Variants in TGFBI observed in about 807,000 individuals in gnomAD.
TGFBI encodes the protein transforming growth factor beta induced, also known as transforming growth factor-beta-induced protein ig-h3.
A neutral mutation model predicts 73.7 loss-of-function variants in TGFBI; 50 were observed. That is an observed-to-expected ratio of 0.68 (90% CI 0.54 to 0.86). The LOEUF (loss-of-function observed/expected upper bound fraction) is 0.86, where lower values mean the gene tolerates loss of function less well. Among genes scored for constraint, TGFBI ranks in the 40% least tolerant of loss-of-function variants. The pLI is 0.00. For synonymous variants in TGFBI, 362 were observed against 360.5 expected, an observed-to-expected ratio of 1.00 and a Z score of -0.05; for missense variants, 839 against 877.0, an observed-to-expected ratio of 0.96 and a Z score of 0.55.
At chr5:136,052,046 C>A (rs1048480234) in intron 7 of TGFBI, among the ~76,000 whole-genome samples, 11 of 152,126 alleles carry the variant, frequency 7.2e-5, no homozygotes, top group Non-Finnish European at 2.9e-5. Context: ...AGCAGCAGTC[C>A]AGGCCACCTG....
At chr5:136,063,120 GAC>G in intron 16 of TGFBI, 64 bp from the exon 17 acceptor site, 2 of 1,476,284 alleles carry the variant, frequency 1.4e-6, no homozygotes, top group Non-Finnish European at 1.9e-6. Context: ...TTGAGATTCT[GAC>G]AGTGTCCTAG....
rs748204900 is a variant in TGFBI, at chr5:136,061,583, A to C, written c.1986+4A>C. On this transcript the variant is annotated splice_donor_region_variant and intron_variant, in intron 15 of 16. Transcript: ENST00000442011. Reference sequence around the variant, plus strand: ...ACAAGCATCAGCGTTTTCCAGGGTAAGATGCCTGCTAGGTTTGCGCCTAGC... The same window carrying C: ...ACAAGCATCAGCGTTTTCCAGGGTACGATGCCTGCTAGGTTTGCGCCTAGC... 6.2e-7 allele frequency: 1 copy of C among 1,613,320 alleles called. No individual in the cohort carries two copies. Among genetic ancestry groups the C allele is most frequent in the Non-Finnish European group, 8.5e-7 (1 of 1,179,534 alleles).
intron 7 of TGFBI, among the ~76,000 whole-genome samples, chr5:136,052,075 G>T (rs1257819630): frequency 6.6e-6 from 1 of 152,208 alleles, no homozygotes; most frequent in Non-Finnish European, 1.5e-5. Flanking sequence ...GGGGTTGGGG[G>T]GGGCTCCTCC....
chr5:136,044,212 G>C lies in TGFBI; in HGVS notation c.298+90G>C, dbSNP rs1751387137. On this transcript the variant is annotated intron_variant, in intron 3 of 16. Coordinates refer to ENST00000442011, the MANE Select transcript of TGFBI (RefSeq NM_000358.3). ...ACCCACATAAAAGGCAGCAGAGTGT[G>C]AATGGGGGCAGTGGCACAAGGACAT... 4.5e-6 allele frequency: 5 copies of C among 1,118,436 alleles called. No homozygotes were observed. The East Asian group carries it at 1.2e-4, about 28-fold the overall frequency. The allele number at this position is 1,118,436 out of a possible 1,614,324, so 69.3% of individuals were successfully genotyped here.
intron 9 of TGFBI, 83 bp from the exon 10 acceptor site, chr5:136,054,633 C>G: frequency 6.3e-7 from 1 of 1,586,428 alleles, no homozygotes; most frequent in Non-Finnish European, 8.7e-7. Flanking sequence ...GAGGGATGGG[C>G]TTTTTCACTG....
intron 12 of TGFBI, 48 bp downstream of exon 12, chr5:136,056,843 C>T: frequency 6.4e-7 from 1 of 1,556,582 alleles, no homozygotes; most frequent in Non-Finnish European, 8.7e-7. Flanking sequence ...AAGTAGTGAT[C>T]CCTCAGGGCC....
Position 136,060,844 on chromosome 5 carries a change from T to G in TGFBI, c.1814T>G (p.Val605Gly). Reference protein sequence around the residue: ...DKLEVSLKNNVVSVNKEPVAE... With the variant: ...DKLEVSLKNNGVSVNKEPVAE... Reference sequence around the variant, plus strand: ...CTGTTTTTCTTTTAGAAAAACAATGTGGTGAGTGTCAACAAGGAGCCTGTT... The same window carrying G: ...CTGTTTTTCTTTTAGAAAAACAATGGGGTGAGTGTCAACAAGGAGCCTGTT... Residue 605 changes from valine to glycine, a missense_variant, in exon 14 of 17, where the codon GTG becomes GGG. Physicochemically the swap from Val to Gly is moderately radical, Grantham distance 109 (BLOSUM62 -3). Coordinates refer to ENST00000442011, the MANE Select transcript of TGFBI (RefSeq NM_000358.3). 1 of 1,598,906 alleles carries G rather than the reference T, an allele frequency of 6.3e-7. No individual in the cohort carries two copies. Among genetic ancestry groups the G allele is most frequent in the Non-Finnish European group, 8.6e-7 (1 of 1,169,342 alleles).
At chr5:136,062,961 A>G (rs1433865936) in intron 16 of TGFBI, among the ~76,000 whole-genome samples, 1 of 152,212 alleles carries the variant, frequency 6.6e-6, no homozygotes, top group Non-Finnish European at 1.5e-5. Context: ...AGGGCTTGGC[A>G]GGAACCCATG....
At chr5:136,037,477 C>G (rs1751248656) in intron 2 of TGFBI, among the ~76,000 whole-genome samples, 1 of 152,056 alleles carries the variant, frequency 6.6e-6, no homozygotes. Flanking sequence ...TTGTGCTAGC[C>G]CCAGGGAGAG....
chr5:136,047,456 G>A lies in TGFBI; in HGVS notation c.771+36G>A, dbSNP rs552862328. On this transcript the variant is annotated intron_variant, in intron 6 of 16. Coordinates refer to ENST00000442011, the MANE Select transcript of TGFBI (RefSeq NM_000358.3). ...GCCCTGGGTGGAGGCCCAGGCTTGG[G>A]ACACATTGCCTCCCAAGAGGGGCCT... 1.1e-4 allele frequency: 175 copies of A among 1,612,100 alleles called. 1 individual carries two copies. The South Asian group carries it at 1.9e-3, about 17-fold the overall frequency.
chr5:136,054,867 T>A lies in TGFBI; in HGVS notation c.1410+6T>A, dbSNP rs1751600540. 1.9e-6 allele frequency: 3 copies of A among 1,613,092 alleles called. No individual in the cohort carries two copies. In the East Asian group the frequency reaches 6.7e-5, roughly 36 times the overall value. On this transcript the variant is annotated splice_donor_region_variant and intron_variant, in intron 10 of 16. Coordinates refer to ENST00000442011, the MANE Select transcript of TGFBI (RefSeq NM_000358.3). ...GAGTTTTTGTTTATCGTAATGTAAG[T>A]TCTGGGTCCTAAATCATGCTCCTGG...
intron 2 of TGFBI, among the ~76,000 whole-genome samples, chr5:136,041,974 G>A (rs555460698): frequency 3.7e-4 from 56 of 152,310 alleles, no homozygotes; most frequent in Non-Finnish European, 5.7e-4. Context: ...TACTGCACCC[G>A]TGTGCACAGG....
At chr5:136,061,636 G>T in intron 15 of TGFBI, 57 bp downstream of exon 15, 1 of 1,449,144 alleles carries the variant, frequency 6.9e-7, no homozygotes, top group Non-Finnish European at 9.7e-7. Context: ...CTCTGTTTGG[G>T]CCATAGAGGA....
intron 13 of TGFBI, 36 bp from the exon 14 acceptor site, chr5:136,060,798 G>T (rs1751734064): frequency 1.4e-6 from 2 of 1,429,724 alleles, no homozygotes; most frequent in African/African-American, 1.4e-5. Context: ...ATAAATAAAT[G>T]CTCTACTTTC....
chr5:136,047,664 T>C (rs1442262191), intron 6 of TGFBI: 3 of 518,960 alleles, frequency 5.8e-6, no homozygotes, highest in Non-Finnish European at 3.4e-6. Context: ...GAAAGGTCAG[T>C]GGTGTGTGGC....
intron 14 of TGFBI, 175 bp from the exon 15 acceptor site, chr5:136,061,325 T>C (rs1199514373): frequency 3.2e-6 from 2 of 629,656 alleles, no homozygotes; most frequent in East Asian, 2.8e-5. Flanking sequence ...TTCACCTTTC[T>C]TGGTGCTCTC....
intron 3 of TGFBI, among the ~76,000 whole-genome samples, chr5:136,044,350 G>A (rs1252344084): frequency 6.6e-6 from 1 of 152,250 alleles, no homozygotes; most frequent in Non-Finnish European, 1.5e-5. Flanking sequence ...TACCACACTG[G>A]TGGAGTAGAC....
chr5:136,028,997 C>T lies in TGFBI; in HGVS notation c.-59C>T. The T allele has an allele frequency of 6.6e-7, 1 of 1,503,768 alleles. No individual in the cohort carries two copies. Among genetic ancestry groups the T allele is most frequent in the South Asian group, 1.2e-5 (1 of 80,448 alleles). 93.2% of individuals were successfully genotyped at this position (1,503,768 alleles called of 1,614,324 possible). A position where few individuals can be genotyped will look rare whatever the true frequency, so the allele number is the denominator to read the frequency against. ...GGGCGGCGGAGGCGCTCTCACTTCC[C>T]TGGAGCCGCCCGCTTGCCCGTCGGT... On this transcript the variant is annotated 5_prime_UTR_variant, in exon 1 of 17. Coordinates refer to ENST00000442011, the MANE Select transcript of TGFBI (RefSeq NM_000358.3).
At chr5:136,044,586 T>C (rs577427475) in intron 3 of TGFBI, among the ~76,000 whole-genome samples, 10 of 152,232 alleles carry the variant, frequency 6.6e-5, no homozygotes, top group Non-Finnish European at 1.5e-4. Flanking sequence ...GTGTCTAAAC[T>C]TGGCCCTTTG....
Sources: allele counts gnomAD v4.1 joint callset (sites outside exome capture counted in the v4.1 genomes callset), GRCh38; gene constraint gnomAD v4.1.1; transcripts MANE v1.5; gene names NCBI Gene and HGNC (gene_info 2026-07-23, HGNC 2026-07-21).